EIF3A: variants seen among roughly 807,000 people sequenced by gnomAD.
EIF3A encodes the protein EIF3, p180 subunit.
Under a neutral mutation model 186.6 loss-of-function variants are expected in EIF3A, and 21 were observed. The ratio of observed to expected loss-of-function variants is 0.11; its 90% CI spans 0.08 to 0.16. EIF3A has a LOEUF of 0.16. EIF3A is among the 10% of genes least tolerant of loss of function. The probability of loss-of-function intolerance (pLI) is 1.00; values close to 1 mark genes in which losing one functional copy is unlikely to be tolerated. For synonymous variants in EIF3A, 563 were observed against 584.3 expected (o/e 0.96, Z 0.52); for missense variants, 1,306 against 1,796.3 (o/e 0.73, Z 4.93).
chr10:119,050,082 A>G, intron 16 of EIF3A, 97 bp from the exon 17 acceptor site: 1 of 1,182,342 alleles, frequency 8.5e-7, no homozygotes, highest in Non-Finnish European at 1.2e-6. Context: ...AGCATAATGT[A>G]CAAGTAAAAG....
rs1476320395 is a variant in EIF3A at position 119,034,384 on chromosome 10, G to C, written c.*1655C>G. 1 of 156,714 alleles carries C rather than the reference G, an allele frequency of 6.4e-6. No homozygotes were observed. The highest frequency in any genetic ancestry group is 1.5e-5 in the Non-Finnish European group (1 of 68,022). 9.7% of individuals were successfully genotyped at this position (156,714 alleles called of 1,614,324 possible). A position where few individuals can be genotyped will look rare whatever the true frequency, so the allele number is the denominator to read the frequency against. On this transcript the variant is annotated 3_prime_UTR_variant, in exon 22 of 22. Coordinates refer to ENST00000369144, the MANE Select transcript of EIF3A (RefSeq NM_003750.4). ...CAAATCTGATTAAATAAATTCTTGG[G>C]GCTTACCTGTGATGTCACACATACA...
intron 1 of EIF3A, among the ~76,000 whole-genome samples, chr10:119,078,078 T>C (rs1021475126): frequency 4.6e-5 from 7 of 152,188 alleles, no homozygotes; most frequent in African/African-American, 1.7e-4. Context: ...CATCAGCCCT[T>C]GATGTTTGCT....
chr10:119,044,192 T>C, intron 17 of EIF3A, 50 bp from the exon 18 acceptor site: 1 of 1,163,914 alleles, frequency 8.6e-7, no homozygotes, highest in Non-Finnish European at 1.3e-6. Context: ...CCATTTACTA[T>C]TACAACTACT....
chr10:119,058,269 G>A lies in EIF3A; in HGVS notation c.1664C>T (p.Thr555Ile). The A allele has an allele frequency of 1.2e-6, 2 of 1,605,672 alleles. No homozygotes were observed. The highest frequency in any genetic ancestry group is 1.7e-6 in the Non-Finnish European group (2 of 1,176,300). Residue 555 changes from threonine (T) to isoleucine (I), a missense_variant, in exon 12 of 22, where the codon ACT becomes ATT. Coordinates refer to ENST00000369144, the MANE Select transcript of EIF3A (RefSeq NM_003750.4). ...EKEEQHQLAV[T>I]AYLKNSRKEH... ...TTTTCGTGAATTTTTAAGGTATGCA[G>A]TGACAGCCAACTGATGCTGTTCTTC...
chr10:119,050,163 C>A (rs1355725029), intron 16 of EIF3A, among the ~76,000 whole-genome samples, 178 bp from the exon 17 acceptor site: 2 of 152,152 alleles, frequency 1.3e-5, no homozygotes, highest in Non-Finnish European at 2.9e-5. Context: ...CACCCCTCAA[C>A]TATAGTTTTG....
intron 6 of EIF3A, among the ~76,000 whole-genome samples, chr10:119,068,684 A>G (rs1453036378): frequency 6.9e-6 from 1 of 144,698 alleles, no homozygotes; most frequent in Non-Finnish European, 1.5e-5. Flanking sequence ...ATAAAATAAA[A>G]TAAAATACAA....
chr10:119,079,672 C>T (rs971987694), intron 1 of EIF3A, among the ~76,000 whole-genome samples: 4 of 152,182 alleles, frequency 2.6e-5, no homozygotes, highest in African/African-American at 7.2e-5. Context: ...GTAATAAATG[C>T]CTTGGAGAGA....
In EIF3A at chr10:119,035,458, T is replaced by C. The variant is rs1162348533; in HGVS notation, c.*581A>G. On this transcript the variant is annotated 3_prime_UTR_variant, in exon 22 of 22. Transcript: ENST00000369144. ...ACTGCAAATTGCTTTGTACTCACCTTCTCTCAAGTAAAATCTAAAGAAAAC... is the reference window on the plus strand; with the variant it reads ...ACTGCAAATTGCTTTGTACTCACCTCCTCTCAAGTAAAATCTAAAGAAAAC... 1 of 149,250 alleles carries C rather than the reference T, an allele frequency of 6.7e-6. No individual in the cohort carries two copies. The highest frequency in any genetic ancestry group is 2.4e-5 in the African/African-American group (1 of 40,918). 9.2% of individuals were successfully genotyped at this position (149,250 alleles called of 1,614,324 possible). A position where few individuals can be genotyped will look rare whatever the true frequency, so the allele number is the denominator to read the frequency against.
intron 19 of EIF3A, among the ~76,000 whole-genome samples, chr10:119,039,549 A>G (rs763963594): frequency 2.3e-4 from 35 of 152,072 alleles, no homozygotes; most frequent in Non-Finnish European, 4.3e-4. Context: ...GTGTGCACCT[A>G]TAGTCTACTA....
Position 119,072,944 on chromosome 10 carries a change from G to C in EIF3A, c.487C>G (p.Leu163Val), listed in dbSNP as rs1471314610. The C allele has an allele frequency of 6.2e-7, 1 of 1,613,946 alleles. No individual in the cohort carries two copies. Among genetic ancestry groups the C allele is most frequent in the Non-Finnish European group, 8.5e-7 (1 of 1,180,026 alleles). ...LWESYRQCLDLLRNNSRVERL... is the reference protein window; with the variant it reads ...LWESYRQCLDVLRNNSRVERL... Reference sequence around the variant, plus strand: ...TCTACTCTAGAATTGTTTCTAAGAAGGTCCAAACACTGCCTGTAAGACTCC... The same window carrying C: ...TCTACTCTAGAATTGTTTCTAAGAACGTCCAAACACTGCCTGTAAGACTCC... Residue 163 changes from leucine (L) to valine (V), a missense_variant, in exon 4 of 22, where the codon CTT (leucine) becomes GTT (valine). Coordinates refer to ENST00000369144, the MANE Select transcript of EIF3A (RefSeq NM_003750.4).
intron 14 of EIF3A, among the ~76,000 whole-genome samples, chr10:119,055,239 G>C (rs1404167331): frequency 2.6e-5 from 4 of 151,962 alleles, no homozygotes; most frequent in Non-Finnish European, 5.9e-5. Flanking sequence ...AGTGTCTCAG[G>C]GAATAATAGG....
intron 17 of EIF3A, among the ~76,000 whole-genome samples, chr10:119,048,525 C>T (rs190554356): frequency 1.7e-4 from 26 of 152,248 alleles, no homozygotes; most frequent in Non-Finnish European, 3.4e-4. Context: ...TGTTAAATTG[C>T]ATATTTTGAT....
chr10:119,050,291 G>T (rs549453013), intron 16 of EIF3A, among the ~76,000 whole-genome samples: 1 of 151,998 alleles, frequency 6.6e-6, no homozygotes, highest in Non-Finnish European at 1.5e-5. Flanking sequence ...CACAGAATAC[G>T]GTGATTAAAA....
In EIF3A at chr10:119,034,925, G is replaced by A. The variant is rs533336401; in HGVS notation, c.*1114C>T. 6 of 152,564 alleles carry A rather than the reference G, an allele frequency of 3.9e-5. No individual in the cohort carries two copies. Among genetic ancestry groups the A allele is most frequent in the Admixed American group, 3.9e-4 (6 of 15,278 alleles). The allele number at this position is 152,564 out of a possible 1,614,324, so 9.5% of individuals were successfully genotyped here. On this transcript the variant is annotated 3_prime_UTR_variant, in exon 22 of 22. Coordinates refer to ENST00000369144, the MANE Select transcript of EIF3A (RefSeq NM_003750.4). ...TGTTATATTTAGGTTCATTTTCATT[G>A]ATACTAAACACAGACATTTAATGGC... is the stretch of plus-strand genomic sequence containing the variant.
chr10:119,060,724 T>C, intron 9 of EIF3A, 22 bp downstream of exon 9: 2 of 1,571,074 alleles, frequency 1.3e-6, no homozygotes, highest in Non-Finnish European at 1.7e-6. Context: ...TCACAAAACT[T>C]TTTTTATTTT....
At chr10:119,044,014 CA>C in intron 18 of EIF3A, 39 bp downstream of exon 18, 1 of 1,401,298 alleles carries the variant, frequency 7.1e-7, no homozygotes, top group Non-Finnish European at 1.0e-6. Context: ...AAGATATTAA[CA>C]GGAACTGGAG....
Position 119,042,704 on chromosome 10 carries a change from C to T in EIF3A, c.2816G>A (p.Arg939His), listed in dbSNP as rs186145626. Reference protein sequence around the residue: ...SHRRDEERPRRLGDDEDREPS... With the variant: ...SHRRDEERPRHLGDDEDREPS... ...CTCTCTATCTTCATCATCCCCCAGA[C>T]GCCGGGGCCGCTCTTCATCTCTTCT... The change falls in exon 19 of 22, where the codon CGT (arginine) becomes CAT (histidine). Residue 939 changes from arginine to histidine, a missense_variant. Coordinates refer to ENST00000369144, the MANE Select transcript of EIF3A (RefSeq NM_003750.4). This position sits in a 1 kb window ranked among gnomAD's most constrained non-coding sequence, Gnocchi z 7.8. 22 of 1,614,020 alleles carry T rather than the reference C, an allele frequency of 1.4e-5. No homozygotes were observed. In the African/African-American group the frequency reaches 2.7e-4, roughly 20 times the overall value.
intron 17 of EIF3A, among the ~76,000 whole-genome samples, chr10:119,048,693 A>C (rs1489305395): frequency 1.3e-5 from 2 of 151,240 alleles, no homozygotes; most frequent in Non-Finnish European, 2.9e-5. Flanking sequence ...TTCCCCTGAG[A>C]CAGAGTCTTG....
intron 20 of EIF3A, among the ~76,000 whole-genome samples, chr10:119,037,801 G>A (rs576022154): frequency 2.0e-5 from 3 of 151,872 alleles, no homozygotes; most frequent in African/African-American, 7.2e-5. Flanking sequence ...AGGGGTAAAA[G>A]CAACGGACTG....
Sources: allele counts gnomAD v4.1 joint callset (sites outside exome capture counted in the v4.1 genomes callset), GRCh38; gene constraint gnomAD v4.1.1; non-coding constraint Gnocchi (gnomAD v3.1); transcripts MANE v1.5; gene names NCBI Gene and HGNC (gene_info 2026-07-23, HGNC 2026-07-21).